Variants in ZBBX observed in about 807,000 individuals in gnomAD.
ZBBX encodes the protein zinc finger B-box domain containing.
In ZBBX, 101 loss-of-function variants were observed where a neutral mutation model predicts 108.5. The ratio of observed to expected loss-of-function variants is 0.93; its 90% CI spans 0.79 to 1.10. The LOEUF (loss-of-function observed/expected upper bound fraction) is 1.10, where lower values mean the gene tolerates loss of function less well. Ranked by LOEUF, ZBBX falls within the 50% of genes least tolerant of loss-of-function variation. The probability of loss-of-function intolerance (pLI) is 0.00; values close to 1 mark genes in which losing one functional copy is unlikely to be tolerated. For missense variants in ZBBX, 1,009 were observed against 941.4 expected (o/e 1.07, Z -0.94); for synonymous variants, 356 against 323.4 (o/e 1.10, Z -1.08).
At chr3:167,222,374 G>C in the ZBBX span, among the ~76,000 whole-genome samples, 1 of 151,872 alleles carries the variant, frequency 6.6e-6, no homozygotes, top group South Asian at 2.1e-4. Flanking sequence ...TTGAACTTAA[G>C]GAGATAGAGA....
At chr3:167,253,234 T>A (rs951269843) in intron 20 of ZBBX, among the ~76,000 whole-genome samples, 1 of 152,042 alleles carries the variant, frequency 6.6e-6, no homozygotes, top group African/African-American at 2.4e-5. Flanking sequence ...GTTATTCCAA[T>A]ACACAGTGTG....
At chr3:167,343,084 A>G (rs767131752) in intron 9 of ZBBX, among the ~76,000 whole-genome samples, 3 of 151,900 alleles carry the variant, frequency 2.0e-5, no homozygotes, top group Non-Finnish European at 4.4e-5. Flanking sequence ...TAGGAATGGG[A>G]TTGAATTTCT....
chr3:167,252,806 A>T (rs1021802375), intron 20 of ZBBX, among the ~76,000 whole-genome samples: 1 of 148,032 alleles, frequency 6.8e-6, no homozygotes, highest in Admixed American at 6.7e-5. Context: ...GATAATTTTT[A>T]AAAATGGAAA....
chr3:167,383,360 T>C (rs1221208765), upstream of ZBBX, among the ~76,000 whole-genome samples: 1 of 152,004 alleles, frequency 6.6e-6, no homozygotes, highest in Non-Finnish European at 1.5e-5. Context: ...TAACATCCTA[T>C]TACATATGTA....
intron 1 of ZBBX, chr3:167,399,415 T>A (rs921045867): frequency 3.9e-5 from 6 of 152,180 alleles, no homozygotes; most frequent in African/African-American, 1.4e-4. Flanking sequence ...TCTACTATTG[T>A]CTACTCTTGT....
chr3:167,403,265 C>T (rs1375651289), intron 1 of ZBBX, among the ~76,000 whole-genome samples: 1 of 152,128 alleles, frequency 6.6e-6, no homozygotes, highest in South Asian at 2.1e-4. Context: ...TTTTAAAGTG[C>T]TAAAAGAAAA....
intron 12 of ZBBX, among the ~76,000 whole-genome samples, chr3:167,317,909 A>T (rs542021837): frequency 6.6e-6 from 1 of 152,126 alleles, no homozygotes; most frequent in African/African-American, 2.4e-5. Context: ...TCCATTAAAA[A>T]CACCATGCTA....
intron 21 of ZBBX, among the ~76,000 whole-genome samples, chr3:167,242,092 T>C (rs970363593): frequency 6.6e-5 from 10 of 152,188 alleles, no homozygotes; most frequent in African/African-American, 2.2e-4. Flanking sequence ...TTTTCTAGGC[T>C]TGATTTCAAG....
intron 1 of ZBBX, among the ~76,000 whole-genome samples, chr3:167,400,034 G>T (rs1421455817): frequency 2.0e-5 from 3 of 152,146 alleles, no homozygotes; most frequent in Non-Finnish European, 2.9e-5. Flanking sequence ...CAGAGGAAAT[G>T]ATTTCATTCT....
At chr3:167,325,620 T>C (rs1283530911) in intron 11 of ZBBX, among the ~76,000 whole-genome samples, 1 of 152,144 alleles carries the variant, frequency 6.6e-6, no homozygotes. Context: ...ATTTGATTTT[T>C]TTGACCTCCA....
chr3:167,240,893 T>C lies in ZBBX; in HGVS notation c.2420A>G (p.Gln807Arg), dbSNP rs1447314684. Residue 807 changes from glutamine to arginine, a missense_variant, in exon 22 of 22, where the codon CAG becomes CGG. By Grantham distance (43) the Gln-to-Arg change is conservative. Transcript: ENST00000675490. ...GCTCTCAGAAAGTGACAGCAAAGACTGAATTTTGGTATCTCTTCCAGAACA... is the reference window on the plus strand; with the variant it reads ...GCTCTCAGAAAGTGACAGCAAAGACCGAATTTTGGTATCTCTTCCAGAACA... ...LSCSGRDTKIQSLLSLSESST... is the reference protein window; with the variant it reads ...LSCSGRDTKIRSLLSLSESST... The C allele has an allele frequency of 6.2e-7, 1 of 1,613,434 alleles. No homozygotes were observed. The highest frequency in any genetic ancestry group is 1.7e-5 in the Admixed American group (1 of 59,992).
the ZBBX span, among the ~76,000 whole-genome samples, chr3:167,219,877 A>G: frequency 2.4e-3 from 371 of 152,032 alleles, 2 homozygotes; most frequent in Non-Finnish European, 3.1e-3. Context: ...TAACTAAAGG[A>G]AAGACCCAAA....
intron 20 of ZBBX, among the ~76,000 whole-genome samples, chr3:167,265,708 C>T (rs951368632): frequency 6.6e-6 from 1 of 152,170 alleles, no homozygotes; most frequent in Non-Finnish European, 1.5e-5. Flanking sequence ...TTACCTATGA[C>T]CCCCAGGCAC....
intron 1 of ZBBX, among the ~76,000 whole-genome samples, chr3:167,387,828 G>T (rs995201514): frequency 7.2e-5 from 11 of 151,964 alleles, no homozygotes; most frequent in African/African-American, 1.4e-4. Context: ...TAGATGAGAG[G>T]CTGAGGAGTG....
intron 20 of ZBBX, among the ~76,000 whole-genome samples, chr3:167,281,166 G>C (rs914052875): frequency 4.6e-5 from 7 of 152,132 alleles, no homozygotes; most frequent in African/African-American, 1.7e-4. Flanking sequence ...TGATGAGTTA[G>C]TGGGTGCAGC....
At chr3:167,274,960 G>A (rs979903260) in intron 20 of ZBBX, among the ~76,000 whole-genome samples, 1 of 152,168 alleles carries the variant, frequency 6.6e-6, no homozygotes, top group African/African-American at 2.4e-5. Flanking sequence ...TTGCCTTGAT[G>A]AGGAAACTAA....
At chr3:167,302,332 G>A (rs553026868) in intron 17 of ZBBX, among the ~76,000 whole-genome samples, 143 of 152,146 alleles carry the variant, frequency 9.4e-4, no homozygotes, top group Non-Finnish European at 1.5e-3. Flanking sequence ...CAATATATCT[G>A]AGGCTATATT....
At chr3:167,254,344 T>C (rs561430354) in intron 20 of ZBBX, among the ~76,000 whole-genome samples, 1 of 152,130 alleles carries the variant, frequency 6.6e-6, no homozygotes, top group Non-Finnish European at 1.5e-5. Flanking sequence ...GTACAGTGTA[T>C]GTGGGGGAAG....
At chr3:167,178,853 C>A in the ZBBX span, among the ~76,000 whole-genome samples, 1 of 152,108 alleles carries the variant, frequency 6.6e-6, no homozygotes, top group African/African-American at 2.4e-5. Context: ...TAGATTCAAT[C>A]GCATATGTGG....
Sources: gnomAD v4.1 joint callset for allele counts (sites outside exome capture counted in the v4.1 genomes callset) on GRCh38, gnomAD v4.1.1 for gene constraint, MANE v1.5 for transcripts, NCBI Gene and HGNC (gene_info 2026-07-23, HGNC 2026-07-21) for gene names.